The following FBXO42 variants were observed in gnomAD, a reference collection of about 807,000 sequenced individuals.
FBXO42 encodes the protein F-box protein 42, also known as F-box only protein 42.
FBXO42 carries 12 observed loss-of-function variants against 71.7 expected under a neutral mutation model. The observed-to-expected ratio is 0.17, with a 90% CI of 0.11 to 0.27. FBXO42 has a LOEUF of 0.27. FBXO42 is among the 10% of genes least tolerant of loss of function. The pLI, the probability that FBXO42 is intolerant of heterozygous loss-of-function variation, is 1.00. For missense variants in FBXO42, 707 were observed against 911.9 expected, an observed-to-expected ratio of 0.78 and a Z score of 2.89; for synonymous variants, 325 against 327.5, an observed-to-expected ratio of 0.99 and a Z score of 0.08.
intron 4 of FBXO42, among the ~76,000 whole-genome samples, chr1:16,262,783 C>T (rs2081728642): frequency 6.6e-6 from 1 of 152,144 alleles, no homozygotes; most frequent in African/African-American, 2.4e-5. Context: ...GATCTCAGCT[C>T]ACTGCAACTC....
intron 4 of FBXO42, among the ~76,000 whole-genome samples, chr1:16,262,122 C>G (rs991282844): frequency 2.6e-5 from 4 of 152,052 alleles, no homozygotes; most frequent in African/African-American, 7.2e-5. Context: ...TATTGTGAAG[C>G]CTTTATAAAG....
Position 16,251,819 on chromosome 1 carries a change from T to G in FBXO42, c.1039-34A>C. The G allele has an allele frequency of 6.3e-7, 1 of 1,576,258 alleles. No homozygotes were observed. The highest frequency in any genetic ancestry group is 8.6e-7 in the Non-Finnish European group (1 of 1,160,540). ...CAAAGGACCAGTGCTCACACTCTTC[T>G]ATGATTCTGATTGTTCATTCAACTG... On this transcript the variant is annotated intron_variant, in intron 9 of 9. Transcript: ENST00000375592. This position sits in a 1 kb window ranked among gnomAD's most constrained non-coding sequence, Gnocchi z 4.5.
At chr1:16,314,666 C>T (rs1440657297) in intron 2 of FBXO42, among the ~76,000 whole-genome samples, 5 of 152,258 alleles carry the variant, frequency 3.3e-5, no homozygotes, top group African/African-American at 9.6e-5. Flanking sequence ...GGGCGGATCA[C>T]GAGGTCAGGA....
chr1:16,301,467 A>G (rs2082193396), intron 3 of FBXO42, among the ~76,000 whole-genome samples: 1 of 151,942 alleles, frequency 6.6e-6, no homozygotes, highest in Non-Finnish European at 1.5e-5. Context: ...GTTTGAGACC[A>G]GACTGGGCAA....
At chr1:16,327,887 G>C (rs766732216) in intron 1 of FBXO42, among the ~76,000 whole-genome samples, 4 of 152,098 alleles carry the variant, frequency 2.6e-5, no homozygotes, top group Non-Finnish European at 5.9e-5. Context: ...TTTTAGTAGA[G>C]ACTGGGTTTC....
At chr1:16,310,067 T>C (rs941013672) in intron 2 of FBXO42, among the ~76,000 whole-genome samples, 1 of 151,606 alleles carries the variant, frequency 6.6e-6, no homozygotes, top group African/African-American at 2.4e-5. Flanking sequence ...TGGTGGTGGA[T>C]GCCTGTAGTC....
chr1:16,345,115 C>T (rs929284649), intron 1 of FBXO42, among the ~76,000 whole-genome samples: 5 of 151,412 alleles, frequency 3.3e-5, no homozygotes, highest in Non-Finnish European at 5.9e-5. Context: ...ACGACAACAA[C>T]AAAAAAACAT....
chr1:16,277,017 T>G (rs2081911449), intron 4 of FBXO42, among the ~76,000 whole-genome samples: 1 of 152,286 alleles, frequency 6.6e-6, no homozygotes, highest in South Asian at 2.1e-4. Flanking sequence ...GGAGGAGAAA[T>G]AGCTAAGGAC....
At chr1:16,318,215 T>A (rs986825446) in intron 1 of FBXO42, among the ~76,000 whole-genome samples, 6 of 152,114 alleles carry the variant, frequency 3.9e-5, no homozygotes, top group Admixed American at 3.9e-4. Context: ...GGTCAAGAGT[T>A]CGAGACCAGC....
chr1:16,303,494 C>T (rs1194372932), intron 3 of FBXO42, among the ~76,000 whole-genome samples: 1 of 152,140 alleles, frequency 6.6e-6, no homozygotes, highest in Non-Finnish European at 1.5e-5. Flanking sequence ...GAGATACTGT[C>T]CCCAGTTTTA....
intron 6 of FBXO42, 32 bp downstream of exon 6, chr1:16,255,679 A>G (rs772043881): frequency 1.3e-6 from 2 of 1,565,620 alleles, no homozygotes; most frequent in South Asian, 1.1e-5. Context: ...ATTTACCTTC[A>G]GGCTCATATG....
At position 16,255,810 on chromosome 1, in the gene FBXO42, A is replaced by G; in HGVS notation, c.668T>C (p.Ile223Thr). The G allele has an allele frequency of 6.2e-7, 1 of 1,613,222 alleles. No individual in the cohort carries two copies. The highest frequency in any genetic ancestry group is 8.5e-7 in the Non-Finnish European group (1 of 1,179,634). ...GGGAGGTGGCCCATGGGTTGTCACA[A>G]TGCAGTTCCACCTAATGTAAAAAGA... The part of the protein sequence containing the change: ...YSPSKNWWNC[I>T]VTTHGPPPMA... Residue 223 changes from isoleucine to threonine, a missense_variant, in exon 6 of 10, where the codon ATT (isoleucine) becomes ACT (threonine). By Grantham distance (89) the Ile-to-Thr change is moderately conservative. Coordinates refer to ENST00000375592, the MANE Select transcript of FBXO42 (RefSeq NM_018994.3).
intron 4 of FBXO42, among the ~76,000 whole-genome samples, chr1:16,280,943 CTTG>C (rs2081957207): frequency 6.6e-6 from 1 of 152,072 alleles, no homozygotes; most frequent in African/African-American, 2.4e-5. Context: ...GGTTTCCTCA[CTTG>C]TTGTGTGTGT....
chr1:16,268,693 G>T (rs2081803959), intron 4 of FBXO42, among the ~76,000 whole-genome samples: 1 of 152,148 alleles, frequency 6.6e-6, no homozygotes, highest in Admixed American at 6.5e-5. Context: ...GCCGGGCACA[G>T]CAGCTCACGC....
Position 16,308,513 on chromosome 1 carries a change from T to TTC in FBXO42, c.251-2595_251-2594insGA, listed in dbSNP as rs1553153476. Among the ~76,000 whole-genome samples the TTC allele has an allele frequency of 5.8e-4, 86 of 147,068 alleles. 2 individuals are homozygous for TTC. Among genetic ancestry groups the TTC allele is most frequent in the African/African-American group, 2.1e-3 (81 of 39,196 alleles). On this transcript the variant is annotated intron_variant, in intron 2 of 9. Transcript: ENST00000375592. Reference sequence around the variant, plus strand: ...ATCTCTCTTTTTTTTTTTTTTTTTTTCCTTTAGACTGAGTCTCACTCTGTC... The same window carrying TTC: ...ATCTCTCTTTTTTTTTTTTTTTTTTTTCCCTTTAGACTGAGTCTCACTCTGTC...
intron 3 of FBXO42, among the ~76,000 whole-genome samples, chr1:16,303,815 G>A (rs576950189): frequency 6.6e-6 from 1 of 151,990 alleles, no homozygotes; most frequent in South Asian, 2.1e-4. Flanking sequence ...GCGTGATCTC[G>A]GCTCACTGCC....
chr1:16,306,905 CT>C (rs776645321), intron 2 of FBXO42, among the ~76,000 whole-genome samples: 11 of 150,792 alleles, frequency 7.3e-5, no homozygotes, highest in African/African-American at 2.4e-4. Context: ...AGTTTGTTTT[CT>C]TTTTTTTTCT....
Position 16,334,787 on chromosome 1 carries a change from A to C in FBXO42, c.-18+17468T>G, listed in dbSNP as rs180951764. Reference sequence around the variant, plus strand: ...AGGAGAAATGCTAAATAGAAAGTACATAAAGATGACTCATACAGGCAAACA... The same window carrying C: ...AGGAGAAATGCTAAATAGAAAGTACCTAAAGATGACTCATACAGGCAAACA... On this transcript the variant is annotated intron_variant, in intron 1 of 9. Coordinates refer to ENST00000375592, the MANE Select transcript of FBXO42 (RefSeq NM_018994.3). Among the ~76,000 whole-genome samples the C allele has an allele frequency of 3.2e-3, 486 of 152,314 alleles. 2 individuals carry two copies. The highest frequency in any genetic ancestry group is 0.013 in the South Asian group (61 of 4,830).
chr1:16,344,880 T>C (rs941978315), intron 1 of FBXO42, among the ~76,000 whole-genome samples: 2 of 151,660 alleles, frequency 1.3e-5, no homozygotes, highest in East Asian at 2.0e-4. Flanking sequence ...GAGTGGATCA[T>C]CTGAGGTCAG....
Sources: allele counts gnomAD v4.1 joint callset (sites outside exome capture counted in the v4.1 genomes callset), GRCh38; gene constraint gnomAD v4.1.1; non-coding constraint Gnocchi (gnomAD v3.1); transcripts MANE v1.5; gene names NCBI Gene and HGNC (gene_info 2026-07-23, HGNC 2026-07-21).